The following ABHD17B variants were observed in gnomAD, a reference collection of about 807,000 sequenced individuals.
ABHD17B encodes alpha/beta hydrolase domain-containing protein 17B.
A neutral mutation model predicts 26.2 loss-of-function variants in ABHD17B; 9 were observed. That is an observed-to-expected ratio of 0.34 (90% CI 0.21 to 0.60). The LOEUF (loss-of-function observed/expected upper bound fraction) is 0.60, where lower values mean the gene tolerates loss of function less well. Among genes scored for constraint, ABHD17B ranks in the 20% least tolerant of loss-of-function variants. The pLI is 0.80. For synonymous variants in ABHD17B, 127 were observed against 122.3 expected, an observed-to-expected ratio of 1.04 and a Z score of -0.25; for missense variants, 224 against 352.1, an observed-to-expected ratio of 0.64 and a Z score of 2.91.
chr9:71,872,269 T>C (rs531682240), intron 2 of ABHD17B, among the ~76,000 whole-genome samples: 5 of 152,288 alleles, frequency 3.3e-5, no homozygotes, highest in Admixed American at 2.0e-4. Context: ...GGTCTAAAAT[T>C]CTAAAATATA....
intron 1 of ABHD17B, among the ~76,000 whole-genome samples, chr9:71,904,869 A>C (rs1827239613): frequency 6.6e-6 from 1 of 152,180 alleles, no homozygotes; most frequent in Non-Finnish European, 1.5e-5. Flanking sequence ...AAAATTACCT[A>C]ATTTCACAAT....
At chr9:71,881,949 C>CA (rs1275902993) in intron 1 of ABHD17B, among the ~76,000 whole-genome samples, 2 of 147,990 alleles carry the variant, frequency 1.4e-5, no homozygotes, top group Non-Finnish European at 3.0e-5. Flanking sequence ...AATTAATAGA[C>CA]AAAGGGATTT....
Position 71,909,684 on chromosome 9 carries a change from A to G in ABHD17B, c.-4+950T>C, listed in dbSNP as rs564782504. 1.3e-3 allele frequency among the ~76,000 whole-genome samples: 201 copies of G among 152,372 alleles called. 1 individual carries two copies. Among genetic ancestry groups the G allele is most frequent in the Middle Eastern group, 0.01 (3 of 294 alleles). ...CAAATGAATCATCTATAGATCAAGC[A>G]TCATATATCACAAAAAGTATTAAAC... On this transcript the variant is annotated intron_variant, in intron 1 of 3. Coordinates refer to ENST00000333421, the MANE Select transcript of ABHD17B (RefSeq NM_001025780.3).
chr9:71,883,885 C>A (rs1412922083), intron 1 of ABHD17B, among the ~76,000 whole-genome samples: 2 of 151,338 alleles, frequency 1.3e-5, no homozygotes, highest in Admixed American at 6.6e-5. Context: ...TGCAGTGAGC[C>A]GAGATTGCAT....
intron 1 of ABHD17B, among the ~76,000 whole-genome samples, chr9:71,890,394 T>G (rs1322299134): frequency 6.6e-6 from 1 of 152,216 alleles, no homozygotes; most frequent in African/African-American, 2.4e-5. Flanking sequence ...CTTTAGATAT[T>G]ATAGCTGAAC....
chr9:71,866,112 T>C lies in ABHD17B; in HGVS notation c.*675A>G, dbSNP rs1289859740. On this transcript the variant is annotated 3_prime_UTR_variant, in exon 4 of 4. Transcript: ENST00000333421. ...CAGTACCAAACTTAGAAGTCAAAAC[T>C]AGTTAAAATTCAGTGCTATCATGAC... The C allele has an allele frequency of 2.8e-5, 28 of 985,238 alleles. No homozygotes were observed. The highest frequency in any genetic ancestry group is 3.4e-5 in the Non-Finnish European group (28 of 829,560). The allele number at this position is 985,238 out of a possible 1,614,324, so 61.0% of individuals were successfully genotyped here.
intron 2 of ABHD17B, among the ~76,000 whole-genome samples, chr9:71,873,932 T>C (rs528406916): frequency 2.6e-5 from 4 of 152,210 alleles, no homozygotes; most frequent in Non-Finnish European, 5.9e-5. Flanking sequence ...TGAAAAATAA[T>C]TCCAATAAGG....
chr9:71,896,914 A>G (rs953822756), intron 1 of ABHD17B, among the ~76,000 whole-genome samples: 3 of 152,200 alleles, frequency 2.0e-5, no homozygotes, highest in African/African-American at 7.2e-5. Flanking sequence ...TCTCTCTTCT[A>G]GCAGCCCTGG....
At chr9:71,875,506 G>A (rs1366379950) in intron 1 of ABHD17B, among the ~76,000 whole-genome samples, 1 of 152,078 alleles carries the variant, frequency 6.6e-6, no homozygotes, top group Non-Finnish European at 1.5e-5. Flanking sequence ...ATTACAAGGA[G>A]TAAGCCACCA....
rs574298141 is a variant in ABHD17B at position 71,887,943 on chromosome 9, CTA to C, written c.-3-12862_-3-12861del. Among the ~76,000 whole-genome samples the C allele has an allele frequency of 1.3e-4, 20 of 152,302 alleles. No individual in the cohort carries two copies. The East Asian group carries it at 3.9e-3, about 29-fold the overall frequency. On this transcript the variant is annotated intron_variant, in intron 1 of 3. Transcript: ENST00000333421. ...GAGCAGTGCAACTCAATTAGGCTATCTATATGTTTTAATCCACGGTTTGATGA... is the reference window on the plus strand; with the variant it reads ...GAGCAGTGCAACTCAATTAGGCTATCTATGTTTTAATCCACGGTTTGATGA...
rs1408214058 is a variant in ABHD17B, at chr9:71,911,102, G to C, written c.-472C>G. 6.6e-6 allele frequency among the ~76,000 whole-genome samples: 1 copy of C among 152,196 alleles called. No homozygotes were observed. Reference sequence around the variant, plus strand: ...TCTTTGCTCCTCCTCAGCCTGCCAAGCGCGAGGCTCGTTCCGGTAGCGGGA... The same window carrying C: ...TCTTTGCTCCTCCTCAGCCTGCCAACCGCGAGGCTCGTTCCGGTAGCGGGA... On this transcript the variant is annotated 5_prime_UTR_variant, in exon 1 of 4. Coordinates refer to ENST00000333421, the MANE Select transcript of ABHD17B (RefSeq NM_001025780.3).
chr9:71,876,165 C>T (rs1405650634), intron 1 of ABHD17B, among the ~76,000 whole-genome samples: 3 of 152,156 alleles, frequency 2.0e-5, no homozygotes, highest in African/African-American at 7.2e-5. Flanking sequence ...AAGGTAAAAT[C>T]TACTAAAGGT....
chr9:71,883,075 G>A (rs937434322), intron 1 of ABHD17B, among the ~76,000 whole-genome samples: 9 of 152,216 alleles, frequency 5.9e-5, no homozygotes, highest in Admixed American at 1.3e-4. Flanking sequence ...CCTGGGAGGC[G>A]GAGGTTGCCA....
intron 1 of ABHD17B, among the ~76,000 whole-genome samples, chr9:71,900,628 G>A (rs190845094): frequency 1.4e-5 from 2 of 148,028 alleles, no homozygotes; most frequent in Non-Finnish European, 3.0e-5. Context: ...CTCTGGTCTG[G>A]GCGACAGAGT....
intron 3 of ABHD17B, among the ~76,000 whole-genome samples, chr9:71,869,244 T>G (rs1826043161): frequency 6.6e-6 from 1 of 152,204 alleles, no homozygotes; most frequent in Non-Finnish European, 1.5e-5. Context: ...TTCACATACT[T>G]TCCCTACTAA....
intron 1 of ABHD17B, among the ~76,000 whole-genome samples, chr9:71,887,630 G>A (rs1391924291): frequency 6.6e-6 from 1 of 152,192 alleles, no homozygotes; most frequent in Non-Finnish European, 1.5e-5. Flanking sequence ...ACTACAGAAA[G>A]CCCTAATGGG....
intron 1 of ABHD17B, among the ~76,000 whole-genome samples, chr9:71,906,532 G>A (rs375570827): frequency 1.2e-4 from 19 of 152,124 alleles, no homozygotes; most frequent in African/African-American, 3.4e-4. Context: ...GCATCTGGCC[G>A]GGCACAGTGG....
At chr9:71,875,779 G>A (rs957541784) in intron 1 of ABHD17B, among the ~76,000 whole-genome samples, 8 of 152,178 alleles carry the variant, frequency 5.3e-5, no homozygotes. Context: ...GAGAAGCTAG[G>A]AATTTAGCAT....
intron 1 of ABHD17B, among the ~76,000 whole-genome samples, chr9:71,902,864 C>T (rs947250442): frequency 1.3e-5 from 2 of 151,994 alleles, no homozygotes; most frequent in Admixed American, 1.3e-4. Flanking sequence ...TCAAAACAAA[C>T]TTAAAAAAAC....
Sources: gnomAD v4.1 joint callset for allele counts (sites outside exome capture counted in the v4.1 genomes callset) on GRCh38, gnomAD v4.1.1 for gene constraint, MANE v1.5 for transcripts, NCBI Gene and HGNC (gene_info 2026-07-23, HGNC 2026-07-21) for gene names.